CDKN2B-AS1: variants seen among roughly 807,000 people sequenced by gnomAD.
CDKN2B-AS1 encodes the protein CDKN2B and CDKN2A antisense cis and trans regulatory RNA 1.
At chr9:22,062,552 A>C (rs185775012) in intron 4 of CDKN2B-AS1, among the ~76,000 whole-genome samples, 1 of 152,310 alleles carries the variant, frequency 6.6e-6, no homozygotes, top group African/African-American at 2.4e-5. Flanking sequence ...TAATGGGGCT[A>C]CATGAGGAAG....
chr9:22,053,459 C>T (rs1319331537), intron 3 of CDKN2B-AS1, among the ~76,000 whole-genome samples: 1 of 152,178 alleles, frequency 6.6e-6, no homozygotes, highest in East Asian at 1.9e-4. Context: ...GCATGTTTCA[C>T]CTAGCAGCTT....
chr9:22,057,857 T>G (rs1240289691), intron 4 of CDKN2B-AS1, among the ~76,000 whole-genome samples: 1 of 151,880 alleles, frequency 6.6e-6, no homozygotes, highest in East Asian at 1.9e-4. Flanking sequence ...GGCTCATGCC[T>G]ATATTTCTAG....
At chr9:22,092,851 C>T (rs1825141062) in intron 4 of CDKN2B-AS1, among the ~76,000 whole-genome samples, 1 of 152,020 alleles carries the variant, frequency 6.6e-6, no homozygotes, top group Admixed American at 6.6e-5. Context: ...TTAGTTGTTT[C>T]TTGCCTTCTG....
intron 4 of CDKN2B-AS1, chr9:22,120,887 C>T (rs943219153): frequency 3.3e-5 from 5 of 151,958 alleles, no homozygotes; most frequent in Non-Finnish European, 7.4e-5. Context: ...ACATGTGTTA[C>T]TGGTAACTCA....
At chr9:22,031,680 G>A (rs919341438) in intron 1 of CDKN2B-AS1, among the ~76,000 whole-genome samples, 12 of 152,138 alleles carry the variant, frequency 7.9e-5, no homozygotes, top group South Asian at 4.1e-4. Flanking sequence ...ACCAAGTTGC[G>A]GTAGGTTAGC....
chr9:22,101,132 A>G (rs921346787), intron 4 of CDKN2B-AS1, among the ~76,000 whole-genome samples: 3 of 152,182 alleles, frequency 2.0e-5, no homozygotes, highest in Admixed American at 6.5e-5. Context: ...TCTACCTTTC[A>G]GAGACACCCT....
In CDKN2B-AS1 at chr9:22,023,328, T is replaced by A. The variant is rs926148593; in HGVS notation, n.30-23423T>A. On this transcript the variant is annotated intron_variant and non_coding_transcript_variant, in intron 1 of 4. Transcript: ENST00000650946. Reference sequence around the variant, plus strand: ...GGAGGTTTTGTTTATTCATTTTTATTCTTTTTTCTCTATTCTTGTCTGCTT... The same window carrying A: ...GGAGGTTTTGTTTATTCATTTTTATACTTTTTTCTCTATTCTTGTCTGCTT... Among the ~76,000 whole-genome samples the A allele has an allele frequency of 3.9e-4, 59 of 152,356 alleles. 1 individual carries two copies. Among genetic ancestry groups the A allele is most frequent in the African/African-American group, 1.3e-3 (53 of 41,580 alleles).
chr9:22,019,860 C>T (rs1377950803), intron 1 of CDKN2B-AS1, among the ~76,000 whole-genome samples: 2 of 151,890 alleles, frequency 1.3e-5, no homozygotes, highest in Admixed American at 1.3e-4. Context: ...GAATTAATAC[C>T]AAACCCTTTA....
intron 4 of CDKN2B-AS1, among the ~76,000 whole-genome samples, chr9:22,059,327 G>T (rs1156489544): frequency 6.6e-6 from 1 of 152,162 alleles, no homozygotes; most frequent in African/African-American, 2.4e-5. Context: ...TGTTCCAAAT[G>T]GGAGAAATTG....
chr9:22,050,580 T>A (rs1823303387), intron 3 of CDKN2B-AS1, among the ~76,000 whole-genome samples: 2 of 152,224 alleles, frequency 1.3e-5, no homozygotes, highest in South Asian at 4.1e-4. Context: ...ACGGTGGGGA[T>A]GTTAGCAAGA....
intron 4 of CDKN2B-AS1, among the ~76,000 whole-genome samples, chr9:22,089,498 C>T (rs1824989613): frequency 6.6e-6 from 1 of 152,130 alleles, no homozygotes; most frequent in Non-Finnish European, 1.5e-5. Context: ...GGCTCAATCA[C>T]AGCTCACTGC....
In CDKN2B-AS1 at chr9:22,006,552, T is replaced by G. The variant is rs778954356; in HGVS notation, n.29+11391T>G. The stretch of plus-strand genomic sequence containing the variant: ...ATGGAAAAACAAATCTTGATTTCCA[T>G]TGGAACATGGGAATCTATTTTGTTA... On this transcript the variant is annotated intron_variant and non_coding_transcript_variant, in intron 1 of 4. Transcript: ENST00000650946. This position sits in a 1 kb window ranked among gnomAD's most constrained non-coding sequence, Gnocchi z 6.4. Among the ~76,000 whole-genome samples, 2 of 152,236 alleles carry G rather than the reference T, an allele frequency of 1.3e-5. No individual in the cohort carries two copies. Among genetic ancestry groups the G allele is most frequent in the Non-Finnish European group, 2.9e-5 (2 of 68,038 alleles).
rs3028393 is a variant in CDKN2B-AS1 at position 22,005,112 on chromosome 9, A to ATGTG, written n.29+9978_29+9981dup. 0.048 allele frequency: 10,797 copies of ATGTG among 224,884 alleles called. 215 individuals carry two copies. Among genetic ancestry groups the ATGTG allele is most frequent in the African/African-American group, 0.086 (3,813 of 44,212 alleles). The allele number at this position is 224,884 out of a possible 1,614,324, so 13.9% of individuals were successfully genotyped here. Reference sequence around the variant, plus strand: ...CATAAGGGGATTTCCGCATCCTAGCATGTGTGTGTGTGTGTGTGTGTGTGT... The same window carrying ATGTG: ...CATAAGGGGATTTCCGCATCCTAGCATGTGTGTGTGTGTGTGTGTGTGTGTGTGT... On this transcript the variant is annotated intron_variant and non_coding_transcript_variant, in intron 1 of 4. Coordinates refer to ENST00000650946, the Ensembl canonical transcript of CDKN2B-AS1. The surrounding 1 kb of genome is among the most constrained non-coding windows in gnomAD (Gnocchi z 4.9).
Position 22,000,260 on chromosome 9 carries a change from T to G in CDKN2B-AS1, n.29+5099T>G, listed in dbSNP as rs1820863408. 6.6e-6 allele frequency among the ~76,000 whole-genome samples: 1 copy of G among 152,144 alleles called. No homozygotes were observed. The highest frequency in any genetic ancestry group is 2.4e-5 in the African/African-American group (1 of 41,446). ...TTTAAACTTGTTGTCCTCAAATGAC[T>G]ACTGAGGCAAACACCATTCTTATAG... On this transcript the variant is annotated intron_variant and non_coding_transcript_variant, in intron 1 of 4. Coordinates refer to ENST00000650946, the Ensembl canonical transcript of CDKN2B-AS1. The surrounding 1 kb of genome is among the most constrained non-coding windows in gnomAD (Gnocchi z 4.1).
At chr9:22,092,814 T>C (rs1166271754) in intron 4 of CDKN2B-AS1, among the ~76,000 whole-genome samples, 2 of 152,198 alleles carry the variant, frequency 1.3e-5, no homozygotes, top group Non-Finnish European at 2.9e-5. Flanking sequence ...TTTTTGTGTC[T>C]CTATTTCCTT....
intron 4 of CDKN2B-AS1, among the ~76,000 whole-genome samples, chr9:22,110,928 T>C (rs1008886004): frequency 2.0e-5 from 3 of 152,148 alleles, no homozygotes; most frequent in African/African-American, 7.2e-5. Context: ...AATGTAATCC[T>C]ATAGTATGAA....
rs1357217666 is a variant in CDKN2B-AS1 at position 22,001,059 on chromosome 9, T to C, written n.29+5898T>C. Among the ~76,000 whole-genome samples the C allele has an allele frequency of 6.6e-6, 1 of 152,110 alleles. No individual in the cohort carries two copies. The highest frequency in any genetic ancestry group is 1.5e-5 in the Non-Finnish European group (1 of 67,982). On this transcript the variant is annotated intron_variant and non_coding_transcript_variant, in intron 1 of 4. Transcript: ENST00000650946. The surrounding 1 kb of genome is among the most constrained non-coding windows in gnomAD (Gnocchi z 4.2). ...GGGGATGGAAGAATTTGTGCATAGA[T>C]AGACGGCAGATGGGAATTCGTTTAA... is the stretch of plus-strand genomic sequence containing the variant.
intron 4 of CDKN2B-AS1, among the ~76,000 whole-genome samples, chr9:22,125,626 A>G (rs1818004083): frequency 1.3e-5 from 2 of 152,246 alleles, no homozygotes; most frequent in South Asian, 4.1e-4. Flanking sequence ...ACTTTTTGGA[A>G]GATAAGTTGA....
chr9:22,049,700 C>A (rs1171006534), intron 3 of CDKN2B-AS1, among the ~76,000 whole-genome samples: 1 of 152,158 alleles, frequency 6.6e-6, no homozygotes, highest in East Asian at 1.9e-4. Context: ...GTAAGACAGA[C>A]CTGAGTCTGA....
Sources: gnomAD v4.1 joint callset for allele counts (sites outside exome capture counted in the v4.1 genomes callset) on GRCh38, gnomAD v4.1.1 for gene constraint, Gnocchi (gnomAD v3.1) non-coding constraint, MANE v1.5 for transcripts, NCBI Gene and HGNC (gene_info 2026-07-23, HGNC 2026-07-21) for gene names.